The following UMODL1 variants were observed in gnomAD, a reference collection of about 807,000 sequenced individuals.
UMODL1 encodes the protein uromodulin-like 1.
In UMODL1, 128 loss-of-function variants were observed where a neutral mutation model predicts 136.3. The observed-to-expected ratio is 0.94, with a 90% confidence interval of 0.81 to 1.09. The LOEUF (loss-of-function observed/expected upper bound fraction) is 1.09. Ranked by LOEUF, UMODL1 falls within the 50% of genes least tolerant of loss-of-function variation. The pLI is 0.00. For synonymous variants in UMODL1, 721 were observed against 720.0 expected (o/e 1.00, Z -0.02); for missense variants, 1,766 against 1,725.6 (o/e 1.02, Z -0.41).
In UMODL1 at chr21:42,099,517, G is replaced by A. The variant is rs1239643157; in HGVS notation, c.1186+337G>A. ...AAATAATAATAATAAAGCAGAAGGCGGCAGCTCCTGGCAGGCAGATCCGGA... is the reference window on the plus strand; with the variant it reads ...AAATAATAATAATAAAGCAGAAGGCAGCAGCTCCTGGCAGGCAGATCCGGA... On this transcript the variant is annotated intron_variant, in intron 7 of 22. Transcript: ENST00000408910. This position sits in a 1 kb window ranked among gnomAD's most constrained non-coding sequence, Gnocchi z 4.1. Among the ~76,000 whole-genome samples the A allele has an allele frequency of 1.3e-5, 2 of 152,098 alleles. No homozygotes were observed. The highest frequency in any genetic ancestry group is 6.6e-5 in the Admixed American group (1 of 15,258).
At chr21:42,101,127 C>T (rs970851208) in intron 7 of UMODL1, among the ~76,000 whole-genome samples, 71 of 151,390 alleles carry the variant, frequency 4.7e-4, no homozygotes, top group Non-Finnish European at 1.9e-4. Flanking sequence ...TTTTAAGGAG[C>T]CCAATTTGCT....
upstream of UMODL1, among the ~76,000 whole-genome samples, chr21:42,068,669 T>G (rs1209198122): frequency 6.6e-6 from 1 of 152,184 alleles, no homozygotes; most frequent in Non-Finnish European, 1.5e-5. The surrounding 1 kb of genome is among the most constrained non-coding windows in gnomAD (Gnocchi z 5.5). Flanking sequence ...AGTGAATATG[T>G]GTACATGTGT....
chr21:42,134,262 A>G, intron 21 of UMODL1, among the ~76,000 whole-genome samples: 1 of 152,252 alleles, frequency 6.6e-6, no homozygotes, highest in Admixed American at 6.5e-5. Flanking sequence ...ACAATTTAAG[A>G]AAGAATCCAT....
chr21:42,127,539 G>C, intron 19 of UMODL1, 133 bp from the exon 20 acceptor site: 1 of 1,111,788 alleles, frequency 9.0e-7, no homozygotes, highest in Non-Finnish European at 1.3e-6. Flanking sequence ...CAAATGAGGT[G>C]CCCGGTCCTC....
rs1416337778 is a variant in UMODL1, at chr21:42,115,908, A to C, written c.2398A>C (p.Asn800His). 1 of 1,614,048 alleles carries C rather than the reference A, an allele frequency of 6.2e-7. No individual in the cohort carries two copies. The highest frequency in any genetic ancestry group is 8.5e-7 in the Non-Finnish European group (1 of 1,180,002). The change falls in exon 14 of 23, where the codon AAT (asparagine) becomes CAT (histidine). Residue 800 changes from asparagine (N) to histidine (H), a missense_variant. By Grantham distance (68) the Asn-to-His change is moderately conservative. Coordinates refer to ENST00000408910, the MANE Select transcript of UMODL1 (RefSeq NM_001004416.3). Reference sequence around the variant, plus strand: ...GCTCATTGGAAAGGTCAGAATCAAAAATGTCAGGTACTCAGAATCCTTTCG... The same window carrying C: ...GCTCATTGGAAAGGTCAGAATCAAACATGTCAGGTACTCAGAATCCTTTCG... ...RKLIGKVRIK[N>H]VRYSESFRNA...
In UMODL1 at chr21:42,118,872, C is replaced by T. The variant is rs574503672; in HGVS notation, c.2476-239C>T. Among the ~76,000 whole-genome samples the T allele has an allele frequency of 1.3e-4, 14 of 110,492 alleles. No individual in the cohort carries two copies. In the South Asian group the frequency reaches 2.1e-3, roughly 17 times the overall value. 72.5% of individuals were successfully genotyped at this position (110,492 alleles called of 152,430 possible). A position where few individuals can be genotyped will look rare whatever the true frequency, so the allele number is the denominator to read the frequency against. On this transcript the variant is annotated intron_variant, in intron 14 of 22. Transcript: ENST00000408910. Reference sequence around the variant, plus strand: ...CGCCCCACAGGCATCTTTCTGAAGCCGTTTACTGGTTTGGGGGGGGAAACA... The same window carrying T: ...CGCCCCACAGGCATCTTTCTGAAGCTGTTTACTGGTTTGGGGGGGGAAACA...
intron 20 of UMODL1, 31 bp from the exon 21 acceptor site, chr21:42,129,682 G>C (rs1247095724): frequency 1.3e-6 from 2 of 1,539,212 alleles, no homozygotes; most frequent in Non-Finnish European, 1.8e-6. Flanking sequence ...CAATTAATTT[G>C]ACGTTTCTCT....
intron 15 of UMODL1, 40 bp from the exon 16 acceptor site, chr21:42,121,047 C>A: frequency 6.3e-7 from 1 of 1,588,844 alleles, no homozygotes; most frequent in Admixed American, 1.7e-5. Flanking sequence ...CACAAGCCCC[C>A]AGGGATGTTC....
intron 21 of UMODL1, among the ~76,000 whole-genome samples, chr21:42,134,779 TA>T (rs1453806179): frequency 1.0e-5 from 1 of 95,400 alleles, no homozygotes; most frequent in Admixed American, 1.1e-4. Flanking sequence ...CAAGTCTGGC[TA>T]TTTTTTTTTT....
intron 7 of UMODL1, among the ~76,000 whole-genome samples, chr21:42,100,653 T>G (rs970905664): frequency 6.6e-6 from 1 of 151,860 alleles, no homozygotes; most frequent in Non-Finnish European, 1.5e-5. Flanking sequence ...AGAACCATCC[T>G]CCAGGGTACA....
chr21:42,075,248 G>GC (rs1053723586), intron 1 of UMODL1, among the ~76,000 whole-genome samples: 9 of 151,974 alleles, frequency 5.9e-5, no homozygotes, highest in Admixed American at 2.0e-4. Context: ...AGATGGGGGG[G>GC]GGGTTTCACC....
chr21:42,084,026 C>T (rs968611099), intron 2 of UMODL1, 58 bp from the exon 3 acceptor site: 7 of 1,586,688 alleles, frequency 4.4e-6, no homozygotes, highest in African/African-American at 1.3e-5. Context: ...GGTCCCCGTG[C>T]AGCAAATCAG....
At chr21:42,127,343 C>A in intron 19 of UMODL1, 101 bp downstream of exon 19, 1 of 1,123,116 alleles carries the variant, frequency 8.9e-7, no homozygotes, top group Non-Finnish European at 1.3e-6. Context: ...CAGCAATGCC[C>A]AGGGCTTCAT....
chr21:42,091,901 G>A lies in UMODL1; in HGVS notation c.931+1463G>A, dbSNP rs140940881. On this transcript the variant is annotated intron_variant, in intron 6 of 22. Coordinates refer to ENST00000408910, the MANE Select transcript of UMODL1 (RefSeq NM_001004416.3). Reference sequence around the variant, plus strand: ...GGCTGAGAGAAGGGAAGAGGCCTGGGGCCTGTGGCCAGAGAACCCCAACAG... The same window carrying A: ...GGCTGAGAGAAGGGAAGAGGCCTGGAGCCTGTGGCCAGAGAACCCCAACAG... Among the ~76,000 whole-genome samples the A allele has an allele frequency of 2.2e-3, 335 of 152,320 alleles. 3 individuals are homozygous for A. Among genetic ancestry groups the A allele is most frequent in the African/African-American group, 7.7e-3 (318 of 41,566 alleles).
intron 22 of UMODL1, among the ~76,000 whole-genome samples, chr21:42,138,906 G>A (rs2067243923): frequency 6.6e-6 from 1 of 152,172 alleles, no homozygotes; most frequent in Non-Finnish European, 1.5e-5. Flanking sequence ...AAAAGAACAT[G>A]CCTGTAATCC....
intron 1 of UMODL1, among the ~76,000 whole-genome samples, chr21:42,064,462 C>T (rs151234430): frequency 4.6e-5 from 7 of 152,394 alleles, no homozygotes; most frequent in Non-Finnish European, 8.8e-5. Flanking sequence ...TGGGCCCCAG[C>T]TTGCTGACTC....
At chr21:42,117,823 GA>G (rs748300093) in intron 14 of UMODL1, among the ~76,000 whole-genome samples, 1 of 152,198 alleles carries the variant, frequency 6.6e-6, no homozygotes, top group Non-Finnish European at 1.5e-5. Flanking sequence ...AACAAACACT[GA>G]ATCCTTCCAC....
intron 9 of UMODL1, among the ~76,000 whole-genome samples, chr21:42,108,865 G>A (rs1305585859): frequency 7.0e-6 from 1 of 142,680 alleles, no homozygotes; most frequent in East Asian, 2.1e-4. Context: ...TACTCCGCTG[G>A]ACCCCACCCC....
chr21:42,064,429 C>T (rs900931694), intron 1 of UMODL1, among the ~76,000 whole-genome samples: 1 of 152,228 alleles, frequency 6.6e-6, no homozygotes, highest in African/African-American at 2.4e-5. Context: ...TACGTTGGCA[C>T]GGGAACTACA....
Sources: gnomAD v4.1 joint callset for allele counts (sites outside exome capture counted in the v4.1 genomes callset) on GRCh38, gnomAD v4.1.1 for gene constraint, Gnocchi (gnomAD v3.1) non-coding constraint, MANE v1.5 for transcripts, NCBI Gene and HGNC (gene_info 2026-07-23, HGNC 2026-07-21) for gene names.